PCDHGB6: variants seen among roughly 807,000 people sequenced by gnomAD.
PCDHGB6 encodes the protein protocadherin gamma-B6.
Under a neutral mutation model 59.1 loss-of-function variants are expected in PCDHGB6, and 51 were observed. The ratio of observed to expected loss-of-function variants is 0.86; its 90% CI spans 0.69 to 1.09. The LOEUF (loss-of-function observed/expected upper bound fraction) is 1.09. PCDHGB6 is among the 50% of genes least tolerant of loss of function. The pLI is 0.00. For missense variants in PCDHGB6, 1,148 were observed against 1,205.1 expected (o/e 0.95, Z 0.70); for synonymous variants, 466 against 495.1 (o/e 0.94, Z 0.78).
intron 2 of PCDHGB6, among the ~76,000 whole-genome samples, chr5:141,503,010 A>ATT (rs199924715): frequency 4.8e-5 from 7 of 146,772 alleles, no homozygotes; most frequent in East Asian, 2.0e-4. Context: ...TGCCCGGTTA[A>ATT]TTTTTTTTTT....
At chr5:141,419,744 G>A (rs760207269) in intron 1 of PCDHGB6, 28 of 1,613,778 alleles carry the variant, frequency 1.7e-5, no homozygotes, top group East Asian at 2.2e-5. Context: ...GGTGCGCATG[G>A]TGCGTGCTTT....
intron 1 of PCDHGB6, chr5:141,413,488 C>T (rs2095648022): frequency 3.1e-6 from 5 of 1,613,868 alleles, no homozygotes; most frequent in Non-Finnish European, 3.4e-6. Context: ...TCAGAGCGCG[C>T]GGTGCGTGGT....
Position 141,409,687 on chromosome 5 carries a change from C to A in PCDHGB6, c.1485C>A (p.Asp495Glu), listed in dbSNP as rs1190888512. The change falls in exon 1 of 4, where the codon GAC (aspartate) becomes GAA (glutamate). Residue 495 changes from aspartate to glutamate, a missense_variant. Physicochemically the swap from Asp to Glu is conservative, Grantham distance 45 (BLOSUM62 2). Transcript: ENST00000520790. Reference sequence around the variant, plus strand: ...TCTCCTACTCTATAGTGGCGAGTGACCTAGAGCCCCTGGCGGTGTCGTCAT... The same window carrying A: ...TCTCCTACTCTATAGTGGCGAGTGAACTAGAGCCCCTGGCGGTGTCGTCAT... Reference protein sequence around the residue: ...GHISYSIVASDLEPLAVSSYV... With the variant: ...GHISYSIVASELEPLAVSSYV... 1.2e-6 allele frequency: 2 copies of A among 1,613,202 alleles called. No homozygotes were observed. The highest frequency in any genetic ancestry group is 4.5e-5 in the East Asian group (2 of 44,894).
intron 1 of PCDHGB6, chr5:141,441,111 G>A (rs1457975305): frequency 1.3e-5 from 2 of 152,194 alleles, no homozygotes; most frequent in Non-Finnish European, 1.5e-5. Flanking sequence ...TCATTGTCCA[G>A]TGTACAGTTG....
At chr5:141,424,092 C>G (rs1160250641) in intron 1 of PCDHGB6, 2 of 879,256 alleles carry the variant, frequency 2.3e-6, no homozygotes, top group Non-Finnish European at 2.8e-6. Context: ...CCATTATTTG[C>G]TATTACTGCT....
chr5:141,421,402 G>A (rs2096569907), intron 1 of PCDHGB6: 1 of 1,614,076 alleles, frequency 6.2e-7, no homozygotes, highest in Non-Finnish European at 8.5e-7. Context: ...GGAGCCCCGG[G>A]AGCTGGCGAA....
intron 1 of PCDHGB6, chr5:141,478,139 G>A: frequency 6.2e-7 from 1 of 1,614,040 alleles, no homozygotes; most frequent in Non-Finnish European, 8.5e-7. Context: ...TGAAGCCCGA[G>A]CCGAGTTCCC....
Position 141,409,000 on chromosome 5 carries a change from C to A in PCDHGB6, c.798C>A (p.Ala266=). 4 of 1,613,950 alleles carry A rather than the reference C, an allele frequency of 2.5e-6. No individual in the cohort carries two copies. The highest frequency in any genetic ancestry group is 3.4e-6 in the Non-Finnish European group (4 of 1,179,890). Residue 266 remains alanine, a synonymous_variant, in exon 1 of 4, where the codon GCC becomes GCA. Transcript: ENST00000520790. Reference sequence around the variant, plus strand: ...GGTCCCCTGTGTTGCAAGTGACAGCCACTGACCAGGATGAGGGGGTCAATG... The same window carrying A: ...GGTCCCCTGTGTTGCAAGTGACAGCAACTGACCAGGATGAGGGGGTCAATG... The part of the protein sequence containing the change: ...PPGSPVLQVT[A]TDQDEGVNAE...
Position 141,486,534 on chromosome 5 carries a change from C to G in PCDHGB6, c.2419-8273C>G. The stretch of plus-strand genomic sequence containing the variant: ...TCAGATGTGAATGATAATCCACCCT[C>G]TTTCTTTCAGAGGTCACATGAGGTG... On this transcript the variant is annotated intron_variant, in intron 1 of 3. Transcript: ENST00000520790. The surrounding 1 kb of genome is among the most constrained non-coding windows in gnomAD (Gnocchi z 5.0). 1 of 1,614,176 alleles carries G rather than the reference C, an allele frequency of 6.2e-7. No individual in the cohort carries two copies. Among genetic ancestry groups the G allele is most frequent in the Non-Finnish European group, 8.5e-7 (1 of 1,180,030 alleles).
rs1299979776 is a variant in PCDHGB6 at position 141,512,453 on chromosome 5, G to GC, written c.*1282dup. On this transcript the variant is annotated 3_prime_UTR_variant, in exon 4 of 4. Transcript: ENST00000520790. ...TCCTGAAGCCTCAGTCCTTCACCTT[G>GC]CCAGGTGCCGTTTCTCTTCCGTGAA... The GC allele has an allele frequency of 6.5e-6, 1 of 152,880 alleles. No homozygotes were observed. The allele number at this position is 152,880 out of a possible 1,614,324, so 9.5% of individuals were successfully genotyped here.
intron 1 of PCDHGB6, among the ~76,000 whole-genome samples, chr5:141,438,454 T>C (rs2097961593): frequency 6.6e-6 from 1 of 151,734 alleles, no homozygotes; most frequent in Admixed American, 6.6e-5. Flanking sequence ...AATACAATGC[T>C]TGAGTTCAAT....
intron 1 of PCDHGB6, among the ~76,000 whole-genome samples, chr5:141,444,256 C>T (rs1445343718): frequency 2.1e-5 from 3 of 146,298 alleles, no homozygotes; most frequent in African/African-American, 5.1e-5. Context: ...ACTGCAACCT[C>T]CGCCTCCCAG....
At position 141,485,880 on chromosome 5, in the gene PCDHGB6, A is replaced by G; in HGVS notation, c.2419-8927A>G. 1 of 1,614,124 alleles carries G rather than the reference A, an allele frequency of 6.2e-7. No individual in the cohort carries two copies. Among genetic ancestry groups the G allele is most frequent in the Non-Finnish European group, 8.5e-7 (1 of 1,180,026 alleles). On this transcript the variant is annotated intron_variant, in intron 1 of 3. Transcript: ENST00000520790. The surrounding 1 kb of genome is among the most constrained non-coding windows in gnomAD (Gnocchi z 5.7). ...CTCCGGGTATCCGTGCTGGACGTAA[A>G]CGACAACGCCCCAGCCTTCCAGCAA... is the stretch of plus-strand genomic sequence containing the variant.
Position 141,478,294 on chromosome 5 carries a change from A to G in PCDHGB6, c.2419-16513A>G, listed in dbSNP as rs147994096. The G allele has an allele frequency of 3.6e-3, 5,805 of 1,614,110 alleles. 30 individuals are homozygous for G. Among genetic ancestry groups the G allele is most frequent in the Non-Finnish European group, 3.4e-3 (4,026 of 1,180,032 alleles). The stretch of plus-strand genomic sequence containing the variant: ...ACAAGTGGAAGCAGTCTAGAGACCT[A>G]TACCGAGCCCCGGTGAGCTCACTGT... On this transcript the variant is annotated intron_variant, in intron 1 of 3. Coordinates refer to ENST00000520790, the MANE Select transcript of PCDHGB6 (RefSeq NM_018926.3).
chr5:141,485,961 A>G lies in PCDHGB6; in HGVS notation c.2419-8846A>G. Reference sequence around the variant, plus strand: ...GCACCAGCGGGCATGGTGCTCATCCAGCTCAATGCCTCAGACCCGGACCTG... The same window carrying G: ...GCACCAGCGGGCATGGTGCTCATCCGGCTCAATGCCTCAGACCCGGACCTG... On this transcript the variant is annotated intron_variant, in intron 1 of 3. Coordinates refer to ENST00000520790, the MANE Select transcript of PCDHGB6 (RefSeq NM_018926.3). This position sits in a 1 kb window ranked among gnomAD's most constrained non-coding sequence, Gnocchi z 5.7. 1 of 1,614,204 alleles carries G rather than the reference A, an allele frequency of 6.2e-7. No individual in the cohort carries two copies. Among genetic ancestry groups the G allele is most frequent in the Non-Finnish European group, 8.5e-7 (1 of 1,180,028 alleles).
At chr5:141,422,729 C>G (rs1352451042) in intron 1 of PCDHGB6, 1 of 1,606,960 alleles carries the variant, frequency 6.2e-7, no homozygotes, top group South Asian at 1.1e-5. Flanking sequence ...CAGGGGGTGC[C>G]TCTGTCCTCC....
At position 141,476,881 on chromosome 5, in the gene PCDHGB6, G is replaced by A. The variant is rs1458703890; in HGVS notation, c.2419-17926G>A. On this transcript the variant is annotated intron_variant, in intron 1 of 3. Coordinates refer to ENST00000520790, the MANE Select transcript of PCDHGB6 (RefSeq NM_018926.3). The surrounding 1 kb of genome is among the most constrained non-coding windows in gnomAD (Gnocchi z 7.6). The stretch of plus-strand genomic sequence containing the variant: ...CCTTGTACCGGGCGCGCGTCCTGGA[G>A]GATGCACCCTCCGGCACGCGCGTGG... 1.9e-6 allele frequency: 3 copies of A among 1,613,874 alleles called. No homozygotes were observed. Among genetic ancestry groups the A allele is most frequent in the Middle Eastern group, 1.6e-4 (1 of 6,084 alleles).
In PCDHGB6 at chr5:141,431,048, A is replaced by G; in HGVS notation, c.2418+20428A>G. The G allele has an allele frequency of 6.2e-7, 1 of 1,614,180 alleles. No homozygotes were observed. Among genetic ancestry groups the G allele is most frequent in the Non-Finnish European group, 8.5e-7 (1 of 1,180,018 alleles). The stretch of plus-strand genomic sequence containing the variant: ...CAGGATAGACCGGGAGGAGCTCTGT[A>G]TGGGGGCCATCAAGTGTCAATTAAA... On this transcript the variant is annotated intron_variant, in intron 1 of 3. Coordinates refer to ENST00000520790, the MANE Select transcript of PCDHGB6 (RefSeq NM_018926.3). This position sits in a 1 kb window ranked among gnomAD's most constrained non-coding sequence, Gnocchi z 4.8.
rs2099746025 is a variant in PCDHGB6 at position 141,493,066 on chromosome 5, T to C, written c.2419-1741T>C. On this transcript the variant is annotated intron_variant, in intron 1 of 3. Coordinates refer to ENST00000520790, the MANE Select transcript of PCDHGB6 (RefSeq NM_018926.3). This position sits in a 1 kb window ranked among gnomAD's most constrained non-coding sequence, Gnocchi z 4.3. ...AACTACAATAGTAAAAAACACAAGT[T>C]TCTCCAACTCCAGGAGCTTTTATTC... Among the ~76,000 whole-genome samples the C allele has an allele frequency of 6.6e-6, 1 of 152,202 alleles. No homozygotes were observed. Among genetic ancestry groups the C allele is most frequent in the East Asian group, 1.9e-4 (1 of 5,194 alleles).
Sources: allele counts gnomAD v4.1 joint callset (sites outside exome capture counted in the v4.1 genomes callset), GRCh38; gene constraint gnomAD v4.1.1; non-coding constraint Gnocchi (gnomAD v3.1); transcripts MANE v1.5; gene names NCBI Gene and HGNC (gene_info 2026-07-23, HGNC 2026-07-21).